The following NAALADL2 variants were observed in gnomAD, a reference collection of about 807,000 sequenced individuals.
NAALADL2 encodes the protein inactive N-acetylated-alpha-linked acidic dipeptidase-like protein 2.
NAALADL2 carries 76 observed loss-of-function variants against 87.2 expected under a neutral mutation model. The observed-to-expected ratio is 0.87, with a 90% CI of 0.72 to 1.05. The LOEUF is 1.05. Ranked by LOEUF, NAALADL2 falls within the 50% of genes least tolerant of loss-of-function variation. The pLI is 0.00. For missense variants in NAALADL2, 1,089 were observed against 945.8 expected (o/e 1.15, Z -1.99); for synonymous variants, 354 against 331.0 (o/e 1.07, Z -0.75).
chr3:175,350,379 A>C (rs765389653), intron 5 of NAALADL2, among the ~76,000 whole-genome samples: 2 of 152,168 alleles, frequency 1.3e-5, no homozygotes, highest in Non-Finnish European at 2.9e-5. Context: ...AGGGAAAATG[A>C]GAAGTGTAGG....
Position 174,578,709 on chromosome 3 carries a change from G to C in NAALADL2, c.-115+28072G>C, listed in dbSNP as rs548908837. ...AGTGGCAGAAATGGTACCTGTGCAA[G>C]TAATTATATAAAAATTTCTTAATTT... On this transcript the variant is annotated intron_variant, in intron 2 of 3. Coordinates refer to the NAALADL2 transcript ENST00000434257. Among the ~76,000 whole-genome samples the C allele has an allele frequency of 4.6e-5, 7 of 151,922 alleles. 1 individual carries two copies. In the South Asian group the frequency reaches 1.4e-3, roughly 31 times the overall value.
intron 2 of NAALADL2, among the ~76,000 whole-genome samples, chr3:174,557,597 T>C (rs1713003037): frequency 6.6e-6 from 1 of 152,218 alleles, no homozygotes; most frequent in Admixed American, 6.5e-5. Flanking sequence ...TTCTTGTTTG[T>C]TAATCTGCTC....
At chr3:174,903,473 G>A (rs897013935) in intron 1 of NAALADL2, among the ~76,000 whole-genome samples, 1 of 151,976 alleles carries the variant, frequency 6.6e-6, no homozygotes, top group South Asian at 2.1e-4. Flanking sequence ...TGAACCAATG[G>A]TGTTTGTCAA....
intron 2 of NAALADL2, among the ~76,000 whole-genome samples, chr3:175,173,831 A>C (rs1735254755): frequency 2.0e-5 from 3 of 152,190 alleles, no homozygotes; most frequent in Admixed American, 2.0e-4. Flanking sequence ...AGTGTGTTGA[A>C]GTGGACTTCT....
At chr3:174,678,063 A>G (rs1411952775) in intron 2 of NAALADL2, among the ~76,000 whole-genome samples, 1 of 152,134 alleles carries the variant, frequency 6.6e-6, no homozygotes, top group African/African-American at 2.4e-5. Context: ...TAATGGCAAA[A>G]GAGCATCATT....
intron 1 of NAALADL2, among the ~76,000 whole-genome samples, chr3:175,038,191 G>A (rs993266501): frequency 2.0e-5 from 3 of 151,980 alleles, no homozygotes; most frequent in Non-Finnish European, 4.4e-5. Flanking sequence ...TTAAGGATTC[G>A]TGGGAAGAAT....
At chr3:175,226,656 A>C (rs1376936889) in intron 2 of NAALADL2, among the ~76,000 whole-genome samples, 1 of 152,152 alleles carries the variant, frequency 6.6e-6, no homozygotes, top group East Asian at 1.9e-4. Context: ...ATGATTAAGC[A>C]TAATAGTAGA....
intron 5 of NAALADL2, among the ~76,000 whole-genome samples, chr3:175,378,834 C>T (rs1238646651): frequency 6.6e-6 from 1 of 152,160 alleles, no homozygotes; most frequent in African/African-American, 2.4e-5. Flanking sequence ...TAATCCTGCA[C>T]CTGTTAGTTC....
chr3:175,733,066 T>TA (rs904239309), intron 11 of NAALADL2, among the ~76,000 whole-genome samples: 42 of 151,922 alleles, frequency 2.8e-4, no homozygotes, highest in Admixed American at 2.7e-3. Context: ...AACTTAAAAA[T>TA]AAAAAAGGGG....
chr3:174,889,189 A>T (rs1168851207), intron 1 of NAALADL2, among the ~76,000 whole-genome samples: 1 of 152,140 alleles, frequency 6.6e-6, no homozygotes, highest in Non-Finnish European at 1.5e-5. Context: ...CCATTAGAAA[A>T]TTCAAGGTAT....
intron 2 of NAALADL2, among the ~76,000 whole-genome samples, chr3:175,221,493 A>G (rs1055263570): frequency 2.0e-5 from 3 of 151,828 alleles, no homozygotes; most frequent in African/African-American, 7.3e-5. Context: ...CGACTCATCT[A>G]TTTTCTTGTT....
At position 175,061,054 on chromosome 3, in the gene NAALADL2, C is replaced by T. The variant is rs542585417; in HGVS notation, c.44-35736C>T. Among the ~76,000 whole-genome samples the T allele has an allele frequency of 1.8e-4, 27 of 151,176 alleles. 1 individual carries two copies. In the South Asian group the frequency reaches 5.4e-3, roughly 30 times the overall value. On this transcript the variant is annotated intron_variant, in intron 1 of 13. Coordinates refer to ENST00000454872, the MANE Select transcript of NAALADL2 (RefSeq NM_207015.3). ...AGAGCGAAACTCCGTCTCAAAAAAACAAAAAAAATCCTTCAGAGAAGCATA... is the reference window on the plus strand; with the variant it reads ...AGAGCGAAACTCCGTCTCAAAAAAATAAAAAAAATCCTTCAGAGAAGCATA...
At chr3:174,846,182 G>A (rs1425928880) in intron 3 of NAALADL2, among the ~76,000 whole-genome samples, 1 of 152,182 alleles carries the variant, frequency 6.6e-6, no homozygotes, top group Non-Finnish European at 1.5e-5. Flanking sequence ...AGTCCCCTTT[G>A]ACTCCAATCT....
At chr3:174,478,500 A>T (rs1295580290) in intron 1 of NAALADL2, among the ~76,000 whole-genome samples, 2 of 152,058 alleles carry the variant, frequency 1.3e-5, no homozygotes, top group African/African-American at 4.8e-5. Flanking sequence ...ATCAGATTTA[A>T]TTTTGGAATT....
chr3:175,277,488 A>G lies in NAALADL2; in HGVS notation c.939+20958A>G, dbSNP rs561034873. 6.6e-5 allele frequency among the ~76,000 whole-genome samples: 10 copies of G among 152,300 alleles called. No homozygotes were observed. In the South Asian group the frequency reaches 2.1e-3, roughly 32 times the overall value. On this transcript the variant is annotated intron_variant, in intron 4 of 13. Transcript: ENST00000454872. ...ACGGGACAGTGAAGGACTGTGACCA[A>G]TCTATTAATGTAGTTCAATGGCCAA... is the stretch of plus-strand genomic sequence containing the variant.
At chr3:175,329,880 C>G (rs114582237) in intron 5 of NAALADL2, among the ~76,000 whole-genome samples, 1 of 152,116 alleles carries the variant, frequency 6.6e-6, no homozygotes, top group South Asian at 2.1e-4. Flanking sequence ...ATAATTTTGG[C>G]GACGTAAGTT....
chr3:175,527,696 G>C (rs1435277869), intron 9 of NAALADL2, among the ~76,000 whole-genome samples: 1 of 152,146 alleles, frequency 6.6e-6, no homozygotes, highest in East Asian at 1.9e-4. Context: ...CTAAGATCAA[G>C]GGTAGTAGCA....
intron 11 of NAALADL2, among the ~76,000 whole-genome samples, chr3:175,628,550 C>T (rs1727310863): frequency 6.7e-6 from 1 of 148,540 alleles, no homozygotes; most frequent in African/African-American, 2.5e-5. Context: ...CATCACCTGC[C>T]TTTTGGGGAT....
intron 13 of NAALADL2, among the ~76,000 whole-genome samples, chr3:175,794,363 G>T (rs1753193790): frequency 7.2e-6 from 1 of 139,612 alleles, no homozygotes; most frequent in African/African-American, 3.1e-5. Context: ...ATAAAAACAA[G>T]AAACCAATTA....
Sources: allele counts gnomAD v4.1 joint callset (sites outside exome capture counted in the v4.1 genomes callset), GRCh38; gene constraint gnomAD v4.1.1; transcripts MANE v1.5; gene names NCBI Gene and HGNC (gene_info 2026-07-23, HGNC 2026-07-21).